SPATA6: variants seen among roughly 807,000 people sequenced by gnomAD.
The protein encoded by SPATA6 is spermatogenesis-associated protein 6.
Under a neutral mutation model 65.3 loss-of-function variants are expected in SPATA6, and 56 were observed. The observed-to-expected ratio is 0.86, with a 90% CI of 0.69 to 1.07. SPATA6 has a LOEUF of 1.07. SPATA6 is among the 50% of genes least tolerant of loss of function. SPATA6 has a pLI of 0.00. For synonymous variants in SPATA6, 199 were observed against 213.2 expected, an observed-to-expected ratio of 0.93 and a Z score of 0.58; for missense variants, 590 against 594.8, an observed-to-expected ratio of 0.99 and a Z score of 0.08.
chr1:48,407,362 G>A (rs1422290416), intron 5 of SPATA6, among the ~76,000 whole-genome samples: 1 of 152,146 alleles, frequency 6.6e-6, no homozygotes, highest in Non-Finnish European at 1.5e-5. Flanking sequence ...CTTACTCCCA[G>A]GACCTTCCTG....
At chr1:48,323,670 G>A (rs1262813889) in intron 11 of SPATA6, among the ~76,000 whole-genome samples, 3 of 146,864 alleles carry the variant, frequency 2.0e-5, no homozygotes, top group African/African-American at 7.5e-5. Context: ...TGAAACAGAA[G>A]GTATTACAAA....
intron 1 of SPATA6, among the ~76,000 whole-genome samples, chr1:48,464,815 C>A (rs141777462): frequency 6.6e-4 from 100 of 152,116 alleles, no homozygotes; most frequent in African/African-American, 2.2e-3. Flanking sequence ...ATCTGGGGTT[C>A]TGATAATATT....
chr1:48,399,430 C>G lies in SPATA6; in HGVS notation c.701G>C (p.Arg234Thr). The change falls in exon 7 of 13, where the codon AGG (arginine) becomes ACG (threonine). Residue 234 changes from arginine to threonine, a missense_variant. Arg to Thr is a moderately conservative substitution (Grantham distance 71, BLOSUM62 -1). Coordinates refer to ENST00000371847, the MANE Select transcript of SPATA6 (RefSeq NM_019073.4). ...RRMCELSEDT[R>T]RRLAHLNLGP... ...CAGATTTAAATGGGCCAGCCGCCGC[C>G]TGGTGTCTTCAGATAGCTCACACAT... is the stretch of plus-strand genomic sequence containing the variant. 6.2e-7 allele frequency: 1 copy of G among 1,613,296 alleles called. No individual in the cohort carries two copies. Among genetic ancestry groups the G allele is most frequent in the Middle Eastern group, 1.7e-4 (1 of 6,056 alleles).
intron 8 of SPATA6, among the ~76,000 whole-genome samples, chr1:48,390,832 A>G (rs1420933340): frequency 4.6e-5 from 7 of 152,208 alleles, no homozygotes; most frequent in Non-Finnish European, 1.0e-4. Flanking sequence ...AAAGACATAT[A>G]ATAGTCTGTA....
chr1:48,283,105 T>C, the SPATA6 span, among the ~76,000 whole-genome samples: 1 of 145,004 alleles, frequency 6.9e-6, no homozygotes, highest in African/African-American at 2.6e-5. Flanking sequence ...ACACCGCATA[T>C]TCTTACTCAT....
intron 3 of SPATA6, chr1:48,437,002 G>C (rs1655000954): frequency 6.2e-7 from 1 of 1,609,356 alleles, no homozygotes; most frequent in Admixed American, 1.7e-5. Context: ...CTTTAGCTTG[G>C]TACAGCTCTG....
chr1:48,279,696 C>T, the SPATA6 span, among the ~76,000 whole-genome samples: 1 of 152,094 alleles, frequency 6.6e-6, no homozygotes, highest in African/African-American at 2.4e-5. Flanking sequence ...TCCTGAGTGA[C>T]CTACAAAGAG....
At chr1:48,436,317 C>T (rs1210435416) in intron 3 of SPATA6, 1 of 1,612,854 alleles carries the variant, frequency 6.2e-7, no homozygotes, top group Non-Finnish European at 8.5e-7. Flanking sequence ...TCCGGCATCC[C>T]AATATTACAA....
chr1:48,406,530 C>G (rs188083278), intron 5 of SPATA6, among the ~76,000 whole-genome samples: 4 of 152,254 alleles, frequency 2.6e-5, no homozygotes. Flanking sequence ...AGATGCAATT[C>G]ATTCATTCAA....
intron 11 of SPATA6, among the ~76,000 whole-genome samples, chr1:48,326,971 A>G (rs531694037): frequency 6.6e-6 from 1 of 152,330 alleles, no homozygotes; most frequent in East Asian, 1.9e-4. Flanking sequence ...AAACCCCAAA[A>G]GCAAATGCAA....
At chr1:48,289,084 A>C in the SPATA6 span, among the ~76,000 whole-genome samples, 1 of 152,198 alleles carries the variant, frequency 6.6e-6, no homozygotes, top group Admixed American at 6.5e-5. Context: ...CCTAACTAGG[A>C]GGCACCTCCC....
chr1:48,354,278 T>G (rs1646594926), intron 11 of SPATA6, among the ~76,000 whole-genome samples: 1 of 152,060 alleles, frequency 6.6e-6, no homozygotes, highest in South Asian at 2.1e-4. Context: ...AGTAGAACTC[T>G]CCCACATTGG....
chr1:48,380,213 T>C (rs937896183), intron 9 of SPATA6, among the ~76,000 whole-genome samples: 1 of 152,236 alleles, frequency 6.6e-6, no homozygotes, highest in Non-Finnish European at 1.5e-5. Context: ...CTTTTCCATA[T>C]AGAAGTCCTA....
At chr1:48,365,948 A>C (rs1488563967) in intron 9 of SPATA6, among the ~76,000 whole-genome samples, 1 of 152,158 alleles carries the variant, frequency 6.6e-6, no homozygotes, top group Non-Finnish European at 1.5e-5. Flanking sequence ...GATAGCTCTT[A>C]TTATTTTAAG....
intron 8 of SPATA6, among the ~76,000 whole-genome samples, chr1:48,388,669 T>C (rs1162595262): frequency 2.6e-5 from 4 of 151,602 alleles, no homozygotes; most frequent in Non-Finnish European, 5.9e-5. Flanking sequence ...CAAACAGAAA[T>C]TCTGGAGATG....
intron 3 of SPATA6, among the ~76,000 whole-genome samples, chr1:48,440,677 C>T (rs1655373276): frequency 1.3e-5 from 2 of 152,196 alleles, no homozygotes; most frequent in Admixed American, 6.5e-5. Context: ...AATCCTTCTG[C>T]CTTCCTCGAG....
At chr1:48,301,542 CACACAA>C (rs1569983042) in intron 12 of SPATA6, among the ~76,000 whole-genome samples, 2 of 150,804 alleles carry the variant, frequency 1.3e-5, no homozygotes, top group Non-Finnish European at 3.0e-5. Flanking sequence ...CACACACACA[CACACAA>C]AAAAAAAAAC....
chr1:48,336,735 G>T (rs1646071472), intron 11 of SPATA6, among the ~76,000 whole-genome samples: 1 of 151,614 alleles, frequency 6.6e-6, no homozygotes, highest in African/African-American at 2.4e-5. Flanking sequence ...TCTGAGTCAT[G>T]AATTTACCTA....
intron 11 of SPATA6, among the ~76,000 whole-genome samples, chr1:48,320,712 C>T (rs1452184503): frequency 6.6e-6 from 1 of 152,152 alleles, no homozygotes; most frequent in African/African-American, 2.4e-5. Context: ...CACAGAAAAA[C>T]ACAGCATATT....
Sources: gnomAD v4.1 joint callset for allele counts (sites outside exome capture counted in the v4.1 genomes callset) on GRCh38, gnomAD v4.1.1 for gene constraint, MANE v1.5 for transcripts, NCBI Gene and HGNC (gene_info 2026-07-23, HGNC 2026-07-21) for gene names.